Variants in FHIT observed in about 807,000 individuals in gnomAD.
FHIT encodes the protein fragile histidine triad diadenosine triphosphatase.
FHIT carries 19 observed loss-of-function variants against 17.9 expected under a neutral mutation model. The ratio of observed to expected loss-of-function variants is 1.06; its 90% CI spans 0.74 to 1.56. The LOEUF (loss-of-function observed/expected upper bound fraction) is 1.56. Ranked by LOEUF, FHIT falls within the 40% of genes most tolerant of loss-of-function variation. The pLI is 0.00. For synonymous variants in FHIT, 81 were observed against 69.7 expected (o/e 1.16, Z -0.81); for missense variants, 248 against 189.2 (o/e 1.31, Z -1.82).
intron 5 of FHIT, among the ~76,000 whole-genome samples, chr3:60,453,056 T>C (rs190863489): frequency 9.2e-5 from 14 of 152,288 alleles, no homozygotes; most frequent in African/African-American, 3.4e-4. Flanking sequence ...CTTTAGGAAA[T>C]GCTAAAACAA....
At chr3:61,022,580 A>G (rs59020178) in intron 3 of FHIT, among the ~76,000 whole-genome samples, 4,994 of 152,330 alleles carry the variant, frequency 0.033, 202 homozygotes, top group African/African-American at 0.078. Context: ...ATGAACATCA[A>G]TGAGAAAATC....
intron 5 of FHIT, among the ~76,000 whole-genome samples, chr3:60,380,518 T>C (rs1252786812): frequency 6.6e-6 from 1 of 152,310 alleles, no homozygotes; most frequent in East Asian, 1.9e-4. Flanking sequence ...ATTTTCATTT[T>C]ACAGCGAGGA....
At chr3:60,866,271 TG>T (rs1553753836) in intron 3 of FHIT, among the ~76,000 whole-genome samples, 2 of 152,240 alleles carry the variant, frequency 1.3e-5, no homozygotes, top group African/African-American at 4.8e-5. Context: ...ATTTTCCATG[TG>T]GAAGAGGGCT....
intron 5 of FHIT, among the ~76,000 whole-genome samples, chr3:60,370,999 G>A (rs1045814097): frequency 6.6e-6 from 1 of 152,164 alleles, no homozygotes; most frequent in Non-Finnish European, 1.5e-5. Flanking sequence ...GAAATTGCTT[G>A]GACGTGTCAT....
At chr3:59,994,931 G>C (rs1373313897) in intron 7 of FHIT, among the ~76,000 whole-genome samples, 1 of 152,116 alleles carries the variant, frequency 6.6e-6, no homozygotes, top group African/African-American at 2.4e-5. Flanking sequence ...AGATGGCAGA[G>C]TGTTTGCCTA....
chr3:59,983,108 T>A (rs1410607747), intron 7 of FHIT, among the ~76,000 whole-genome samples: 2 of 151,726 alleles, frequency 1.3e-5, no homozygotes, highest in African/African-American at 4.8e-5. Flanking sequence ...CCAGCTAATA[T>A]TTGTATTTTT....
chr3:60,093,418 C>T (rs539826664), intron 5 of FHIT, among the ~76,000 whole-genome samples: 2 of 152,306 alleles, frequency 1.3e-5, no homozygotes, highest in South Asian at 4.1e-4. Flanking sequence ...ACTGAGCCCA[C>T]CTGGACAGTC....
At chr3:60,388,790 G>C (rs914676952) in intron 5 of FHIT, among the ~76,000 whole-genome samples, 6 of 152,162 alleles carry the variant, frequency 3.9e-5, no homozygotes, top group African/African-American at 1.4e-4. Context: ...AAGTTTCCAT[G>C]CAGCATCTCA....
At chr3:59,858,920 AGTGT>A (rs908866136) in intron 8 of FHIT, among the ~76,000 whole-genome samples, 2 of 152,146 alleles carry the variant, frequency 1.3e-5, no homozygotes, top group African/African-American at 4.8e-5. Flanking sequence ...AATAATAATA[AGTGT>A]GTGTTTGTGT....
intron 2 of FHIT, among the ~76,000 whole-genome samples, chr3:61,136,576 G>C (rs904278844): frequency 1.3e-5 from 2 of 152,154 alleles, no homozygotes; most frequent in African/African-American, 4.8e-5. Flanking sequence ...ATTTGAAATT[G>C]ACCCTCAAAG....
chr3:59,896,943 T>A (rs756031330), intron 8 of FHIT, among the ~76,000 whole-genome samples: 4 of 152,054 alleles, frequency 2.6e-5, no homozygotes, highest in Non-Finnish European at 1.5e-5. Context: ...TTAGCAACGA[T>A]TGGGAGGGTG....
intron 2 of FHIT, among the ~76,000 whole-genome samples, chr3:61,176,607 T>A (rs2038163264): frequency 6.6e-6 from 1 of 152,220 alleles, no homozygotes; most frequent in Non-Finnish European, 1.5e-5. Context: ...AATATCCACC[T>A]CGAGGTTAAC....
chr3:60,511,324 A>G (rs1350191038), intron 5 of FHIT, among the ~76,000 whole-genome samples: 3 of 152,190 alleles, frequency 2.0e-5, no homozygotes, highest in African/African-American at 2.4e-5. Context: ...TGAGCTATAC[A>G]GAAATGGTCG....
intron 5 of FHIT, among the ~76,000 whole-genome samples, chr3:60,284,951 A>G (rs1707650616): frequency 6.6e-6 from 1 of 152,132 alleles, no homozygotes; most frequent in African/African-American, 2.4e-5. Flanking sequence ...CACCACTGTC[A>G]AGTTATAGGT....
At chr3:60,181,065 T>C (rs536051617) in intron 5 of FHIT, among the ~76,000 whole-genome samples, 1 of 152,018 alleles carries the variant, frequency 6.6e-6, no homozygotes. Context: ...CAACCAGCTA[T>C]GAGAAGTAAC....
rs116289076 is a variant in FHIT, at chr3:60,527,529, A to C, written c.103+9331T>G. On this transcript the variant is annotated intron_variant, in intron 5 of 9. Coordinates refer to ENST00000492590, the MANE Select transcript of FHIT (RefSeq NM_002012.4). The stretch of plus-strand genomic sequence containing the variant: ...TCCTCCTGGACCCATTTTATCTCAG[A>C]GCAAATTATGCGGCTAACCAAGCTA... Among the ~76,000 whole-genome samples the C allele has an allele frequency of 7.0e-3, 1,063 of 152,314 alleles. 9 individuals are homozygous for C. Among genetic ancestry groups the C allele is most frequent in the African/African-American group, 0.025 (1,023 of 41,560 alleles).
At chr3:60,182,352 T>A (rs1006453013) in intron 5 of FHIT, among the ~76,000 whole-genome samples, 6 of 152,200 alleles carry the variant, frequency 3.9e-5, no homozygotes, top group African/African-American at 1.4e-4. Flanking sequence ...AATGATTCCA[T>A]GATTTGGTGA....
At chr3:60,145,442 A>G (rs541960338) in intron 5 of FHIT, among the ~76,000 whole-genome samples, 1 of 152,306 alleles carries the variant, frequency 6.6e-6, no homozygotes, top group Admixed American at 6.5e-5. Context: ...AACCCAGTGT[A>G]TGCTGGATAT....
At chr3:60,194,119 G>C (rs1187828211) in intron 5 of FHIT, among the ~76,000 whole-genome samples, 3 of 152,090 alleles carry the variant, frequency 2.0e-5, no homozygotes. Flanking sequence ...ACCAAAAAGA[G>C]CCCAAATAGC....
Sources: gnomAD v4.1 joint callset for allele counts (sites outside exome capture counted in the v4.1 genomes callset) on GRCh38, gnomAD v4.1.1 for gene constraint, MANE v1.5 for transcripts, NCBI Gene and HGNC (gene_info 2026-07-23, HGNC 2026-07-21) for gene names.